The following ITIH2 variants were observed in gnomAD, a reference collection of about 807,000 sequenced individuals.
The protein encoded by ITIH2 is inter-alpha-trypsin inhibitor heavy chain 2.
ITIH2 carries 103 observed loss-of-function variants against 104.4 expected under a neutral mutation model. That is an observed-to-expected ratio of 0.99 (90% CI 0.84 to 1.16). The LOEUF (loss-of-function observed/expected upper bound fraction) is 1.16, where lower values mean the gene tolerates loss of function less well. Among genes scored for constraint, ITIH2 ranks in the 50% most tolerant of loss-of-function variants. The pLI is 0.00. For missense variants in ITIH2, 1,108 were observed against 1,162.4 expected, an observed-to-expected ratio of 0.95 and a Z score of 0.68; for synonymous variants, 436 against 435.4, an observed-to-expected ratio of 1.00 and a Z score of -0.02.
At chr10:7,728,877 G>GTAAC (rs1350652863) in intron 11 of ITIH2, among the ~76,000 whole-genome samples, 1 of 152,180 alleles carries the variant, frequency 6.6e-6, no homozygotes, top group African/African-American at 2.4e-5. Flanking sequence ...AAGCCAGAGA[G>GTAAC]CAACCATCTT....
intron 10 of ITIH2, among the ~76,000 whole-genome samples, chr10:7,727,344 G>T (rs972619960): frequency 6.6e-6 from 1 of 152,206 alleles, no homozygotes; most frequent in African/African-American, 2.4e-5. Context: ...TCAGAAAAAG[G>T]TTCAGTGACA....
Position 7,744,164 on chromosome 10 carries a change from T to C in ITIH2, c.2292T>C (p.Phe764=). The change falls in exon 18 of 21, where the codon TTT becomes TTC. Residue 764 remains phenylalanine, a synonymous_variant. Transcript: ENST00000358415. ...KLSTYFGKLG[F]YFQSEDIKIE... is the part of the protein sequence containing the mutation. ...GCACCTATTTTGGAAAACTGGGATT[T>C]TATTTCCAAAGTGAAGACATAAAAA... 6.2e-7 allele frequency: 1 copy of C among 1,614,140 alleles called. No homozygotes were observed. The highest frequency in any genetic ancestry group is 1.6e-4 in the Middle Eastern group (1 of 6,062).
intron 1 of ITIH2, 94 bp from the exon 2 acceptor site, chr10:7,705,014 T>C: frequency 4.0e-6 from 3 of 752,902 alleles, no homozygotes; most frequent in Non-Finnish European, 6.6e-6. Context: ...GGCACATGTA[T>C]ACCTATGTAA....
rs1835174250 is a variant in ITIH2, at chr10:7,746,067, TTAA to T, written c.2582-525_2582-523del. Reference sequence around the variant, plus strand: ...CCACACCCGGCCCCAAATCTTAAATTTAAAAAAAAAAAAAAAAAAAAAAAAAAA... The same window carrying T: ...CCACACCCGGCCCCAAATCTTAAATTAAAAAAAAAAAAAAAAAAAAAAAAA... On this transcript the variant is annotated intron_variant, in intron 19 of 20. Coordinates refer to ENST00000358415, the MANE Select transcript of ITIH2 (RefSeq NM_002216.3). 2.3e-4 allele frequency among the ~76,000 whole-genome samples: 12 copies of T among 51,092 alleles called. 1 individual carries two copies. The highest frequency in any genetic ancestry group is 8.2e-4 in the African/African-American group (9 of 10,968). The allele number at this position is 51,092 out of a possible 152,430, so 33.5% of individuals were successfully genotyped here.
Position 7,713,236 on chromosome 10 carries a change from G to C in ITIH2, c.418G>C (p.Ala140Pro), listed in dbSNP as rs1834814501. 2.4e-5 allele frequency: 38 copies of C among 1,614,114 alleles called. No individual in the cohort carries two copies. The highest frequency in any genetic ancestry group is 3.1e-5 in the Non-Finnish European group (37 of 1,180,056). The change falls in exon 5 of 21, where the codon GCT (alanine) becomes CCT (proline). Residue 140 changes from alanine to proline, a missense_variant. Physicochemically the swap from Ala to Pro is conservative, Grantham distance 27. Transcript: ENST00000358415. ...SSIKEKTVGRALYAQARAKGK... is the reference protein window; with the variant it reads ...SSIKEKTVGRPLYAQARAKGK... Reference sequence around the variant, plus strand: ...TATTAAGGAGAAAACTGTGGGCCGAGCTCTTTATGCACAGGCCAGAGCAAA... The same window carrying C: ...TATTAAGGAGAAAACTGTGGGCCGACCTCTTTATGCACAGGCCAGAGCAAA...
rs1835212637 is a variant in ITIH2, at chr10:7,749,165, C to G, written c.2694-22C>G. ...TAGAGGTGCTCAGTCTCCCCCTAAC[C>G]ACATGCCTTGCTTCCTTGCAGGGGC... On this transcript the variant is annotated intron_variant, in intron 20 of 20. Transcript: ENST00000358415. 1.9e-6 allele frequency: 3 copies of G among 1,613,496 alleles called. No individual in the cohort carries two copies. In the East Asian group the frequency reaches 6.7e-5, roughly 36 times the overall value.
intron 16 of ITIH2, among the ~76,000 whole-genome samples, chr10:7,741,230 G>A (rs929044454): frequency 7.7e-5 from 11 of 143,702 alleles, no homozygotes; most frequent in Non-Finnish European, 1.3e-4. Context: ...CTAGGCTGGA[G>A]TGCAATGGCT....
At position 7,746,667 on chromosome 10, in the gene ITIH2, A is replaced by G. The variant is rs1421593373; in HGVS notation, c.2656A>G (p.Ser886Gly). 1 of 1,613,880 alleles carries G rather than the reference A, an allele frequency of 6.2e-7. No individual in the cohort carries two copies. The highest frequency in any genetic ancestry group is 8.5e-7 in the Non-Finnish European group (1 of 1,179,798). ...PGKDPEKPEA[S>G]MEVKGQKLII... ...AAAGGACCCTGAGAAGCCAGAGGCC[A>G]GCATGGAAGTGAAGGGGCAGAAGCT... The change falls in exon 20 of 21, where the codon AGC (serine) becomes GGC (glycine). Residue 886 changes from serine (S) to glycine (G), a missense_variant. By Grantham distance (56) the Ser-to-Gly change is moderately conservative (BLOSUM62 0). Coordinates refer to ENST00000358415, the MANE Select transcript of ITIH2 (RefSeq NM_002216.3).
At chr10:7,715,877 A>G (rs1834844454) in intron 5 of ITIH2, among the ~76,000 whole-genome samples, 1 of 151,980 alleles carries the variant, frequency 6.6e-6, no homozygotes, top group Non-Finnish European at 1.5e-5. Flanking sequence ...AGCAGCTGGG[A>G]TTATAGGCAC....
chr10:7,718,636 G>T (rs1354876541), intron 6 of ITIH2, among the ~76,000 whole-genome samples: 1 of 152,094 alleles, frequency 6.6e-6, no homozygotes, highest in Non-Finnish European at 1.5e-5. Flanking sequence ...CAGGTAATGA[G>T]CATAGTACCT....
In ITIH2 at chr10:7,746,615, G is replaced by C. The variant is rs141260366; in HGVS notation, c.2604G>C (p.Lys868Asn). Residue 868 changes from lysine to asparagine, a missense_variant, in exon 20 of 21, where the codon AAG becomes AAC. Lys to Asn is a moderately conservative substitution (Grantham distance 94, BLOSUM62 0). Coordinates refer to ENST00000358415, the MANE Select transcript of ITIH2 (RefSeq NM_002216.3). ...GLIGQFMQEP[K>N]IHIFNERPGK... Reference sequence around the variant, plus strand: ...TAGGCCAGTTCATGCAGGAACCAAAGATACACATCTTCAATGAGAGACCAG... The same window carrying C: ...TAGGCCAGTTCATGCAGGAACCAAACATACACATCTTCAATGAGAGACCAG... 3.7e-5 allele frequency: 59 copies of C among 1,613,256 alleles called. No individual in the cohort carries two copies. The highest frequency in any genetic ancestry group is 4.5e-5 in the Non-Finnish European group (53 of 1,179,400).
At chr10:7,714,474 C>T (rs73621284) in intron 5 of ITIH2, among the ~76,000 whole-genome samples, 2,347 of 152,110 alleles carry the variant, frequency 0.015, 61 homozygotes, top group African/African-American at 0.054. Context: ...GCCTGGCCCA[C>T]GCTCACTATT....
intron 16 of ITIH2, among the ~76,000 whole-genome samples, chr10:7,742,700 C>T (rs959093930): frequency 3.9e-5 from 6 of 152,140 alleles, no homozygotes; most frequent in African/African-American, 1.4e-4. Flanking sequence ...GCCATGATTG[C>T]AACATTGCAC....
At chr10:7,719,284 G>A (rs1834879149) in intron 6 of ITIH2, among the ~76,000 whole-genome samples, 1 of 152,196 alleles carries the variant, frequency 6.6e-6, no homozygotes, top group Admixed American at 6.5e-5. Context: ...CCGTGCTTTT[G>A]CGTGAATTGA....
intron 14 of ITIH2, among the ~76,000 whole-genome samples, chr10:7,732,760 CTCTG>C (rs1835016152): frequency 6.6e-6 from 1 of 152,058 alleles, no homozygotes; most frequent in Non-Finnish European, 1.5e-5. Context: ...CAGAGTCTCG[CTCTG>C]TCTCCCAGGC....
In ITIH2 at chr10:7,732,343, C is replaced by CCTAACTAACTAACTAACTA. The variant is rs749471567; in HGVS notation, c.1653_1654insCTAACTAACTAACTAACTA (p.Thr552LeufsTer4). ...CTGAACCTTCCATCATCTAGGCTAA[C>CCTAACTAACTAACTAACTA]ACGCAGTTAGTCTTGGAGACCCTGG... On this transcript the variant is annotated stop_gained and frameshift_variant, in exon 14 of 21. Coordinates refer to ENST00000358415, the MANE Select transcript of ITIH2 (RefSeq NM_002216.3). LOFTEE classifies it high-confidence loss of function. 6.2e-6 allele frequency: 10 copies of CCTAACTAACTAACTAACTA among 1,613,384 alleles called. No individual in the cohort carries two copies. In the South Asian group the frequency reaches 1.1e-4, roughly 18 times the overall value.
At chr10:7,707,480 T>C (rs968539052) in intron 3 of ITIH2, among the ~76,000 whole-genome samples, 2 of 152,178 alleles carry the variant, frequency 1.3e-5, no homozygotes, top group African/African-American at 4.8e-5. Flanking sequence ...TTGCCATATA[T>C]CATAGGTTCC....
At position 7,729,984 on chromosome 10, in the gene ITIH2, G is replaced by GT. The variant is rs762317426; in HGVS notation, c.1314dup (p.Lys439Ter). The GT allele has an allele frequency of 1.2e-6, 2 of 1,607,754 alleles. No individual in the cohort carries two copies. The highest frequency in any genetic ancestry group is 1.7e-5 in the Admixed American group (1 of 58,750). ...AAAACTGTCAAAAATTCAGAAAAAC[G>GT]TTAAGGAGAACATCCAAGACAATAT... On this transcript the variant is annotated frameshift_variant, in exon 12 of 21. Transcript: ENST00000358415. LOFTEE classifies it high-confidence loss of function.
intron 8 of ITIH2, among the ~76,000 whole-genome samples, chr10:7,722,770 A>G (rs74821550): frequency 0.028 from 4,197 of 152,320 alleles, 81 homozygotes; most frequent in South Asian, 0.054. Flanking sequence ...CGTTAGATGC[A>G]CACGGGGCTC....
Sources: allele counts gnomAD v4.1 joint callset (sites outside exome capture counted in the v4.1 genomes callset), GRCh38; gene constraint gnomAD v4.1.1; transcripts MANE v1.5; gene names NCBI Gene and HGNC (gene_info 2026-07-23, HGNC 2026-07-21).